Variants in FRMD4B observed in about 807,000 individuals in gnomAD.
The protein encoded by FRMD4B is FERM domain containing 4B.
Under a neutral mutation model 141.5 loss-of-function variants are expected in FRMD4B, and 74 were observed. That is an observed-to-expected ratio of 0.52 (90% CI 0.43 to 0.63). FRMD4B has a LOEUF of 0.63. Ranked by LOEUF, FRMD4B falls within the 30% of genes least tolerant of loss-of-function variation. The pLI, the probability that FRMD4B is intolerant of heterozygous loss-of-function variation, is 0.00. For missense variants in FRMD4B, 1,366 were observed against 1,253.4 expected (o/e 1.09, Z -1.36); for synonymous variants, 506 against 467.9 (o/e 1.08, Z -1.05).
At chr3:69,324,562 T>C (rs1354870730) in intron 1 of FRMD4B, among the ~76,000 whole-genome samples, 1 of 152,226 alleles carries the variant, frequency 6.6e-6, no homozygotes, top group Non-Finnish European at 1.5e-5. Context: ...TAGATGTCAG[T>C]AGATCCTCCC....
At position 69,176,466 on chromosome 3, in the gene FRMD4B, C is replaced by T. The variant is rs562736152; in HGVS notation, c.2984+58G>A. 7.6e-6 allele frequency: 11 copies of T among 1,442,224 alleles called. No individual in the cohort carries two copies. The South Asian group carries it at 1.2e-4, about 15-fold the overall frequency. The allele number at this position is 1,442,224 out of a possible 1,614,324, so 89.3% of individuals were successfully genotyped here. ...TTATCTGACGTTTGTAAATTAGGAT[C>T]CCTGAATTCTTTTGAACTGGAACAG... On this transcript the variant is annotated intron_variant, in intron 22 of 22. Coordinates refer to ENST00000398540, the MANE Select transcript of FRMD4B (RefSeq NM_015123.3).
intron 4 of FRMD4B, among the ~76,000 whole-genome samples, chr3:69,298,519 C>T (rs1478364684): frequency 1.3e-5 from 2 of 152,324 alleles, no homozygotes; most frequent in East Asian, 3.9e-4. Context: ...AACCCACAGG[C>T]CCCAATGCTC....
intron 1 of FRMD4B, among the ~76,000 whole-genome samples, chr3:69,489,117 G>T (rs1575588625): frequency 6.6e-6 from 1 of 151,568 alleles, no homozygotes; most frequent in East Asian, 1.9e-4. Context: ...CTGTCTGGGA[G>T]AAATATTTGC....
chr3:69,502,620 C>T (rs575962467), intron 1 of FRMD4B, among the ~76,000 whole-genome samples: 2 of 151,966 alleles, frequency 1.3e-5, no homozygotes, highest in African/African-American at 2.4e-5. Context: ...ACATAGGCAT[C>T]GGCAAGGACT....
intron 1 of FRMD4B, among the ~76,000 whole-genome samples, chr3:69,533,024 C>T (rs893089857): frequency 6.6e-6 from 1 of 152,214 alleles, no homozygotes; most frequent in African/African-American, 2.4e-5. Flanking sequence ...CTCACTGTGA[C>T]AACACATTCA....
At chr3:69,466,509 C>A (rs1295406599) in intron 1 of FRMD4B, among the ~76,000 whole-genome samples, 3 of 152,060 alleles carry the variant, frequency 2.0e-5, no homozygotes, top group African/African-American at 7.2e-5. Context: ...AATGTGATAT[C>A]TGAGATGTGC....
At chr3:69,355,390 G>A (rs575042926) in intron 1 of FRMD4B, among the ~76,000 whole-genome samples, 35 of 152,010 alleles carry the variant, frequency 2.3e-4, no homozygotes, top group Non-Finnish European at 3.8e-4. Context: ...TGGAAGGTGG[G>A]GAATTATTGT....
At chr3:69,373,488 A>G (rs775776459) in intron 1 of FRMD4B, among the ~76,000 whole-genome samples, 10 of 152,236 alleles carry the variant, frequency 6.6e-5, no homozygotes, top group Admixed American at 3.3e-4. Context: ...GAGTTTAATT[A>G]TACCTATTTA....
Position 69,206,680 on chromosome 3 carries a change from T to C in FRMD4B, c.877-7906A>G, listed in dbSNP as rs76875410. ...ACTGGTATCCCTTCTTGTGGTTTTG[T>C]ACCTAGTCTGGTTTTTAAATATTTC... On this transcript the variant is annotated intron_variant, in intron 11 of 22. Transcript: ENST00000398540. Among the ~76,000 whole-genome samples, 134 of 152,374 alleles carry C rather than the reference T, an allele frequency of 8.8e-4. 2 individuals are homozygous for C. In the East Asian group the frequency reaches 0.021, roughly 23 times the overall value.
chr3:69,198,484 T>C (rs2092931153), intron 12 of FRMD4B: 1 of 545,362 alleles, frequency 1.8e-6, no homozygotes, highest in Admixed American at 3.3e-5. Context: ...ATACTGCTGC[T>C]TGGGATGTAA....
At chr3:69,190,508 G>A (rs943270437) in intron 17 of FRMD4B, among the ~76,000 whole-genome samples, 1 of 151,742 alleles carries the variant, frequency 6.6e-6, no homozygotes, top group African/African-American at 2.4e-5. Flanking sequence ...TCAACCTCCT[G>A]GGCTTAAGCA....
intron 2 of FRMD4B, among the ~76,000 whole-genome samples, chr3:69,399,278 GC>G (rs1704520746): frequency 1.3e-5 from 2 of 152,272 alleles, no homozygotes; most frequent in South Asian, 4.1e-4. Flanking sequence ...ACTGCAGAAA[GC>G]TTTAGGGTTT....
In FRMD4B at chr3:69,455,935, A is replaced by G. The variant is rs573301616; in HGVS notation, c.-128-23174T>C. Reference sequence around the variant, plus strand: ...TGGCCATTTGTAGCTTCTCAGTTCCATTTTGTTCTGAGGCTTAAATCAGAA... The same window carrying G: ...TGGCCATTTGTAGCTTCTCAGTTCCGTTTTGTTCTGAGGCTTAAATCAGAA... On this transcript the variant is annotated intron_variant, in intron 1 of 5. Coordinates refer to the FRMD4B transcript ENST00000459638. 3.9e-5 allele frequency among the ~76,000 whole-genome samples: 6 copies of G among 152,196 alleles called. No homozygotes were observed. In the South Asian group the frequency reaches 6.2e-4, roughly 16 times the overall value.
intron 11 of FRMD4B, among the ~76,000 whole-genome samples, chr3:69,206,671 GT>G (rs1174740433): frequency 6.6e-6 from 1 of 152,190 alleles, no homozygotes; most frequent in African/African-American, 2.4e-5. Context: ...ATCCCTTCTT[GT>G]GGTTTTGTAC....
upstream of FRMD4B, among the ~76,000 whole-genome samples, chr3:69,390,861 C>T (rs919949575): frequency 2.1e-5 from 3 of 145,616 alleles, no homozygotes; most frequent in Non-Finnish European, 2.9e-5. Context: ...TCACTGCACT[C>T]CAGCCTGGGC....
chr3:69,500,635 T>G (rs538162890), intron 1 of FRMD4B, among the ~76,000 whole-genome samples: 141 of 152,086 alleles, frequency 9.3e-4, no homozygotes, highest in African/African-American at 3.3e-3. Context: ...GGGCACAAAG[T>G]GAGGGCACAT....
chr3:69,242,718 C>T (rs906983552), intron 7 of FRMD4B, among the ~76,000 whole-genome samples: 25 of 148,590 alleles, frequency 1.7e-4, no homozygotes, highest in Admixed American at 4.7e-4. Flanking sequence ...AGGCCGGGCT[C>T]GTTGCTCACC....
At chr3:69,320,055 G>A (rs1452681670) in intron 1 of FRMD4B, among the ~76,000 whole-genome samples, 1 of 152,112 alleles carries the variant, frequency 6.6e-6, no homozygotes, top group African/African-American at 2.4e-5. Flanking sequence ...GAAACATGGG[G>A]AAACTAAGGA....
At chr3:69,384,423 AAAC>A (rs1376329731) in intron 1 of FRMD4B, among the ~76,000 whole-genome samples, 1 of 152,228 alleles carries the variant, frequency 6.6e-6, no homozygotes, top group Non-Finnish European at 1.5e-5. Context: ...TAAAAAGGAA[AAAC>A]AAAATTACAT....
Sources: allele counts gnomAD v4.1 joint callset (sites outside exome capture counted in the v4.1 genomes callset), GRCh38; gene constraint gnomAD v4.1.1; transcripts MANE v1.5; gene names NCBI Gene and HGNC (gene_info 2026-07-23, HGNC 2026-07-21).